Variants in PAPLN observed in about 807,000 individuals in gnomAD.
PAPLN encodes papilin.
PAPLN carries 146 observed loss-of-function variants against 159.0 expected under a neutral mutation model. The observed-to-expected ratio is 0.92, with a 90% CI of 0.80 to 1.05. PAPLN has a LOEUF of 1.05. Among genes scored for constraint, PAPLN ranks in the 50% least tolerant of loss-of-function variants. PAPLN has a pLI of 0.00. For synonymous variants in PAPLN, 734 were observed against 702.9 expected, an observed-to-expected ratio of 1.04 and a Z score of -0.70; for missense variants, 1,720 against 1,743.9, an observed-to-expected ratio of 0.99 and a Z score of 0.24.
Position 73,268,583 on chromosome 14 carries a change from GCCA to G in PAPLN, c.3530_3532del (p.His1177del). The G allele has an allele frequency of 6.2e-7, 1 of 1,613,408 alleles. No individual in the cohort carries two copies. The highest frequency in any genetic ancestry group is 2.2e-5 in the East Asian group (1 of 44,838). ...AACGGGCTACCTGTGCAGGCTGATG[GCCA>G]CCGTGTCCACCAGTCCCCAGATGGC... On this transcript the variant is annotated inframe_deletion, in exon 26 of 27. Coordinates refer to ENST00000644200, the MANE Select transcript of PAPLN (RefSeq NM_001365906.3).
At chr14:73,262,000 G>A in intron 18 of PAPLN, 1 of 251,552 alleles carries the variant, frequency 4.0e-6, no homozygotes, top group Non-Finnish European at 7.5e-6. Context: ...AGCTAAGCAG[G>A]CAGGGTCACC....
Position 73,252,794 on chromosome 14 carries a change from C to T in PAPLN, c.1094+19C>T, listed in dbSNP as rs751428728. Reference sequence around the variant, plus strand: ...CCAAGCGGTGAGACCTTGCCAGCCCCTCTACCCATGATGAGGCCCAAGAAC... The same window carrying T: ...CCAAGCGGTGAGACCTTGCCAGCCCTTCTACCCATGATGAGGCCCAAGAAC... On this transcript the variant is annotated intron_variant, in intron 11 of 26. Transcript: ENST00000644200. 2.5e-6 allele frequency: 4 copies of T among 1,612,512 alleles called. No homozygotes were observed. Among genetic ancestry groups the T allele is most frequent in the Admixed American group, 1.7e-5 (1 of 59,972 alleles).
At chr14:73,247,147 C>T (rs1383287855) in intron 5 of PAPLN, among the ~76,000 whole-genome samples, 5 of 152,142 alleles carry the variant, frequency 3.3e-5, no homozygotes, top group Non-Finnish European at 7.3e-5. Context: ...TGGTGCCCCA[C>T]GGTCATCCTG....
intron 15 of PAPLN, 36 bp downstream of exon 15, chr14:73,259,095 G>T (rs552345742): frequency 1.3e-6 from 2 of 1,581,954 alleles, no homozygotes; most frequent in South Asian, 2.3e-5. Context: ...TCAGAGCCCT[G>T]TAGTTTTTGT....
chr14:73,239,894 G>A, intron 2 of PAPLN, 62 bp downstream of exon 2: 3 of 1,490,946 alleles, frequency 2.0e-6, no homozygotes, highest in South Asian at 1.3e-5. Flanking sequence ...GCGGGGACGC[G>A]CGGGCCCGCA....
At chr14:73,248,622 G>A (rs1457679531) in intron 5 of PAPLN, among the ~76,000 whole-genome samples, 1 of 151,432 alleles carries the variant, frequency 6.6e-6, no homozygotes, top group African/African-American at 2.4e-5. Context: ...TGGGCAATGT[G>A]TGAAACCCCA....
chr14:73,236,747 C>T (rs1347130335), upstream of PAPLN, among the ~76,000 whole-genome samples: 11 of 149,716 alleles, frequency 7.3e-5, no homozygotes, highest in South Asian at 2.1e-4. Context: ...ACCCAGGAGG[C>T]GGAGGTTGCA....
chr14:73,248,694 C>A (rs1327108231), intron 5 of PAPLN, among the ~76,000 whole-genome samples: 1 of 152,020 alleles, frequency 6.6e-6, no homozygotes, highest in Non-Finnish European at 1.5e-5. Flanking sequence ...TGGTTGCACA[C>A]CCATGTAGTC....
chr14:73,274,490 A>T lies in PAPLN; in HGVS notation c.*1826A>T, dbSNP rs947875906. The T allele has an allele frequency of 6.6e-6, 1 of 152,224 alleles. No individual in the cohort carries two copies. Among genetic ancestry groups the T allele is most frequent in the Non-Finnish European group, 1.5e-5 (1 of 68,048 alleles). The allele number at this position is 152,224 out of a possible 1,614,324, so 9.4% of individuals were successfully genotyped here. A position where few individuals can be genotyped will look rare whatever the true frequency, so the allele number is the denominator to read the frequency against. On this transcript the variant is annotated 3_prime_UTR_variant, in exon 27 of 27. Transcript: ENST00000644200. ...TGATACTTCTCAGTCTTCTCTACTC[A>T]TTCAACAAAGGAAATGTGGGCTGGG...
rs765602228 is a variant in PAPLN, at chr14:73,252,128, G to T, written c.954G>T (p.Ala318=). Residue 318 remains alanine (A), a synonymous_variant, in exon 10 of 27, where the codon GCG becomes GCT. Transcript: ENST00000644200. The part of the protein sequence containing the change: ...WSHGSWSDCS[A]ECGGGHQSRL... ...ACGGCTCATGGAGTGACTGCAGCGCGGAGTGTGGCGGAGGTGCGGGCGTGG... is the reference window on the plus strand; with the variant it reads ...ACGGCTCATGGAGTGACTGCAGCGCTGAGTGTGGCGGAGGTGCGGGCGTGG... 1 of 1,604,118 alleles carries T rather than the reference G, an allele frequency of 6.2e-7. No individual in the cohort carries two copies. Among genetic ancestry groups the T allele is most frequent in the African/African-American group, 1.3e-5 (1 of 74,784 alleles).
intron 2 of PAPLN, among the ~76,000 whole-genome samples, chr14:73,240,077 G>C (rs1296170867): frequency 6.6e-6 from 1 of 152,214 alleles, no homozygotes; most frequent in Non-Finnish European, 1.5e-5. Flanking sequence ...CCTTCCCAGG[G>C]CTTCCCTCCT....
At chr14:73,250,369 C>T (rs867254640) in intron 6 of PAPLN, among the ~76,000 whole-genome samples, 25 of 152,314 alleles carry the variant, frequency 1.6e-4, no homozygotes, top group Middle Eastern at 3.4e-3. Context: ...CGGCTAAAAC[C>T]GACTTCAGAA....
intron 7 of PAPLN, 140 bp downstream of exon 7, chr14:73,251,170 T>G: frequency 7.1e-7 from 1 of 1,406,694 alleles, no homozygotes; most frequent in East Asian, 2.3e-5. Context: ...AGGTCACATC[T>G]GAAAGGCCCC....
chr14:73,264,129 G>A, intron 20 of PAPLN, 82 bp from the exon 21 acceptor site: 1 of 1,600,074 alleles, frequency 6.2e-7, no homozygotes, highest in Non-Finnish European at 8.5e-7. Flanking sequence ...GTCCCCTCTG[G>A]CACGAGCACC....
At position 73,264,600 on chromosome 14, in the gene PAPLN, C is replaced by T; in HGVS notation, c.2999C>T (p.Ala1000Val). The T allele has an allele frequency of 6.3e-7, 1 of 1,599,806 alleles. No homozygotes were observed. The highest frequency in any genetic ancestry group is 1.1e-5 in the South Asian group (1 of 88,928). The change falls in exon 22 of 27, where the codon GCC becomes GTC. Residue 1000 changes from alanine (A) to valine (V), a missense_variant. By Grantham distance (64) the Ala-to-Val change is moderately conservative. Coordinates refer to ENST00000644200, the MANE Select transcript of PAPLN (RefSeq NM_001365906.3). ...GGCCTCATGACAGGGGGTGACATGG[C>T]CGTGCTGTCTGAGGCTGAGCTGAGC... The part of the protein sequence containing the change: ...IQLRIIGGDM[A>V]VLSEAELSRF...
chr14:73,260,848 G>T lies in PAPLN; in HGVS notation c.2106+19G>T. On this transcript the variant is annotated intron_variant, in intron 17 of 26. Coordinates refer to ENST00000644200, the MANE Select transcript of PAPLN (RefSeq NM_001365906.3). ...TTCTACAGTAAGTGTCTGGCCTGGG[G>T]GAGGGGAGCAGGGGGCCAGCCCGTG... The T allele has an allele frequency of 6.7e-7, 1 of 1,496,882 alleles. No individual in the cohort carries two copies. The allele number at this position is 1,496,882 out of a possible 1,614,324, so 92.7% of individuals were successfully genotyped here. A position where few individuals can be genotyped will look rare whatever the true frequency, so the allele number is the denominator to read the frequency against.
Position 73,246,144 on chromosome 14 carries a change from G to T in PAPLN, c.303G>T (p.Gly101=). Residue 101 remains glycine (G), a synonymous_variant, in exon 5 of 27, where the codon GGG becomes GGT. Coordinates refer to ENST00000644200, the MANE Select transcript of PAPLN (RefSeq NM_001365906.3). ...AGTTCGACGGAGCGGAGTTCCAGGG[G>T]CGGCGGTATCGGTGGCTGCCCTACT... ...CAEFDGAEFQ[G]RRYRWLPYYS... The T allele has an allele frequency of 6.3e-7, 1 of 1,591,556 alleles. No homozygotes were observed. Among genetic ancestry groups the T allele is most frequent in the Non-Finnish European group, 8.5e-7 (1 of 1,171,678 alleles).
chr14:73,266,619 A>C lies in PAPLN; in HGVS notation c.3382A>C (p.Arg1128=). ...CCGAGACCAGCGATGGGTCCAGCTCAGAGTTCTGGGTAAAGTGGCAGTCCT... is the reference window on the plus strand; with the variant it reads ...CCGAGACCAGCGATGGGTCCAGCTCCGAGTTCTGGGTAAAGTGGCAGTCCT... ...QDRDQRWVQL[R]VLGELTISGL... is the part of the protein sequence containing the mutation. The change falls in exon 24 of 27, where the codon AGA becomes CGA. Residue 1128 remains arginine, a synonymous_variant. Coordinates refer to ENST00000644200, the MANE Select transcript of PAPLN (RefSeq NM_001365906.3). 1 of 1,614,124 alleles carries C rather than the reference A, an allele frequency of 6.2e-7. No individual in the cohort carries two copies. Among genetic ancestry groups the C allele is most frequent in the Non-Finnish European group, 8.5e-7 (1 of 1,180,006 alleles).
At chr14:73,250,418 G>A (rs932980708) in intron 6 of PAPLN, among the ~76,000 whole-genome samples, 1 of 152,222 alleles carries the variant, frequency 6.6e-6, no homozygotes, top group African/African-American at 2.4e-5. Flanking sequence ...CATGAATGAG[G>A]TGCCACTCGG....
Sources: allele counts gnomAD v4.1 joint callset (sites outside exome capture counted in the v4.1 genomes callset), GRCh38; gene constraint gnomAD v4.1.1; transcripts MANE v1.5; gene names NCBI Gene and HGNC (gene_info 2026-07-23, HGNC 2026-07-21).